Variants in PRDM16 observed in about 807,000 individuals in gnomAD.
The protein encoded by PRDM16 is histone-lysine N-methyltransferase PRDM16.
Under a neutral mutation model 110.6 loss-of-function variants are expected in PRDM16, and 23 were observed. The observed-to-expected ratio is 0.21, with a 90% CI of 0.15 to 0.29. The LOEUF is 0.29. Ranked by LOEUF, PRDM16 falls within the 10% of genes least tolerant of loss-of-function variation. The probability of loss-of-function intolerance (pLI) is 1.00; values close to 1 mark genes in which losing one functional copy is unlikely to be tolerated. For missense variants in PRDM16, 1,615 were observed against 1,794.3 expected, an observed-to-expected ratio of 0.90 and a Z score of 1.81; for synonymous variants, 799 against 781.8, an observed-to-expected ratio of 1.02 and a Z score of -0.37.
At chr1:3,326,897 C>T (rs1163729063) in intron 3 of PRDM16, among the ~76,000 whole-genome samples, 2 of 152,228 alleles carry the variant, frequency 1.3e-5, no homozygotes, top group Non-Finnish European at 2.9e-5. Context: ...CACAATGTCT[C>T]CTCTGTCTCT....
In PRDM16 at chr1:3,353,944, C is replaced by T. The variant is rs984659221; in HGVS notation, c.439-31208C>T. ...TGTGGATGCAGGGCTGCCCACCCAA[C>T]ACTGCTGAGCCCACACAGGCCCAAG... On this transcript the variant is annotated intron_variant, in intron 3 of 16. Coordinates refer to ENST00000270722, the MANE Select transcript of PRDM16 (RefSeq NM_022114.4). The surrounding 1 kb of genome is among the most constrained non-coding windows in gnomAD (Gnocchi z 5.4). Among the ~76,000 whole-genome samples the T allele has an allele frequency of 2.6e-5, 4 of 152,164 alleles. No individual in the cohort carries two copies. In the South Asian group the frequency reaches 8.3e-4, roughly 31 times the overall value.
In PRDM16 at chr1:3,387,560, G is replaced by A. The variant is rs1241454281; in HGVS notation, c.573+2274G>A. 2.6e-5 allele frequency among the ~76,000 whole-genome samples: 4 copies of A among 152,182 alleles called. No individual in the cohort carries two copies. In the East Asian group the frequency reaches 7.7e-4, roughly 29 times the overall value. ...GCACCCCTCATAGGTAGCACAGCCG[G>A]TGACGTCGGGTGTTACAGGGCCACC... On this transcript the variant is annotated intron_variant, in intron 4 of 16. Transcript: ENST00000270722.
chr1:3,240,836 C>A lies in PRDM16; in HGVS notation c.388-3251C>A, dbSNP rs571541493. Among the ~76,000 whole-genome samples the A allele has an allele frequency of 2.0e-5, 3 of 152,342 alleles. No individual in the cohort carries two copies. In the South Asian group the frequency reaches 6.2e-4, roughly 32 times the overall value. On this transcript the variant is annotated intron_variant, in intron 2 of 16. Transcript: ENST00000270722. ...GTCAAAAAAGAGGTTCTGACCAACC[C>A]CACTTAGCTAAATCCTGGCGCTGGG...
intron 12 of PRDM16, among the ~76,000 whole-genome samples, chr1:3,423,736 C>T (rs1638507105): frequency 6.6e-6 from 1 of 152,214 alleles, no homozygotes; most frequent in African/African-American, 2.4e-5. Context: ...CATCCTGGTG[C>T]CTCCACAGAG....
chr1:3,423,617 C>T (rs570069308), intron 12 of PRDM16, among the ~76,000 whole-genome samples: 2 of 152,220 alleles, frequency 1.3e-5, no homozygotes, highest in East Asian at 1.9e-4. Context: ...AGCGGGCCAC[C>T]GGCACCGGTC....
chr1:3,288,635 T>G (rs1438784468), intron 3 of PRDM16, among the ~76,000 whole-genome samples: 1 of 152,052 alleles, frequency 6.6e-6, no homozygotes, highest in Non-Finnish European at 1.5e-5. Flanking sequence ...CCACCACCCA[T>G]AGCCCCTCCC....
rs1340580157 is a variant in PRDM16 at position 3,254,694 on chromosome 1, A to G, written c.438+10557A>G. Among the ~76,000 whole-genome samples, 5 of 152,268 alleles carry G rather than the reference A, an allele frequency of 3.3e-5. No homozygotes were observed. In the East Asian group the frequency reaches 7.7e-4, roughly 23 times the overall value. ...ATGGAAGAACATTCCATGCTCATGG[A>G]TAGGAAGAATCAATATCGTGAAAAT... is the stretch of plus-strand genomic sequence containing the variant. On this transcript the variant is annotated intron_variant, in intron 3 of 16. Transcript: ENST00000270722.
intron 3 of PRDM16, among the ~76,000 whole-genome samples, chr1:3,377,658 G>A (rs149562578): frequency 0.013 from 1,954 of 152,254 alleles, 18 homozygotes; most frequent in Middle Eastern, 0.024. Flanking sequence ...AAAGCCAGGC[G>A]TTTAAGCAGC....
rs927699974 is a variant in PRDM16 at position 3,390,549 on chromosome 1, C to G, written c.573+5263C>G. On this transcript the variant is annotated intron_variant, in intron 4 of 16. Transcript: ENST00000270722. The surrounding 1 kb of genome is among the most constrained non-coding windows in gnomAD (Gnocchi z 5.0). The stretch of plus-strand genomic sequence containing the variant: ...AGCACAGCCCCTCCACAGAGTGTTC[C>G]GCGCAGGCATTGTGTTAGAAGAGTG... Among the ~76,000 whole-genome samples the G allele has an allele frequency of 6.6e-6, 1 of 152,144 alleles. No individual in the cohort carries two copies. The highest frequency in any genetic ancestry group is 1.5e-5 in the Non-Finnish European group (1 of 68,006).
Position 3,390,290 on chromosome 1 carries a change from C to T in PRDM16, c.573+5004C>T, listed in dbSNP as rs922015788. Among the ~76,000 whole-genome samples the T allele has an allele frequency of 1.3e-4, 20 of 152,162 alleles. No individual in the cohort carries two copies. The highest frequency in any genetic ancestry group is 4.8e-4 in the African/African-American group (20 of 41,524). On this transcript the variant is annotated intron_variant, in intron 4 of 16. Coordinates refer to ENST00000270722, the MANE Select transcript of PRDM16 (RefSeq NM_022114.4). The surrounding 1 kb of genome is among the most constrained non-coding windows in gnomAD (Gnocchi z 5.0). ...AACTGTCTAGTGGGGCTGAAGATGG[C>T]TGGGGACAGGGCTGAGGTCAAACAC...
chr1:3,321,435 CAT>C (rs953425990), intron 3 of PRDM16, among the ~76,000 whole-genome samples: 27 of 148,932 alleles, frequency 1.8e-4, no homozygotes, highest in South Asian at 8.6e-4. Context: ...TGTGGGTGCA[CAT>C]GTGTTTGTGT....
chr1:3,113,061 C>G (rs1642831986), intron 1 of PRDM16, among the ~76,000 whole-genome samples: 4 of 152,256 alleles, frequency 2.6e-5, no homozygotes, highest in African/African-American at 4.8e-5. Context: ...GAAGCAGACC[C>G]AGGGAACAGC....
intron 12 of PRDM16, among the ~76,000 whole-genome samples, chr1:3,424,679 AG>A: frequency 6.6e-6 from 1 of 152,376 alleles, no homozygotes; most frequent in African/African-American, 2.4e-5. Flanking sequence ...GGCAACATCC[AG>A]GGCAGCCCCC....
intron 3 of PRDM16, among the ~76,000 whole-genome samples, chr1:3,254,820 T>A (rs28883366): frequency 2.0e-5 from 3 of 150,854 alleles, no homozygotes; most frequent in Admixed American, 6.6e-5. Flanking sequence ...AAAGTTCATA[T>A]GGAACCAAAA....
intron 1 of PRDM16, among the ~76,000 whole-genome samples, chr1:3,129,925 C>T (rs1339103771): frequency 1.3e-5 from 2 of 152,196 alleles, no homozygotes; most frequent in African/African-American, 4.8e-5. Flanking sequence ...CCCAGGGCCC[C>T]AGCAGGGTCT....
In PRDM16 at chr1:3,352,871, G is replaced by A. The variant is rs191610684; in HGVS notation, c.439-32281G>A. 5.3e-5 allele frequency among the ~76,000 whole-genome samples: 8 copies of A among 152,292 alleles called. No individual in the cohort carries two copies. The South Asian group carries it at 6.2e-4, about 12-fold the overall frequency. ...GTGTCAGGAACAATAGCTAGCTCTC[G>A]GTGGCAGTCAGGCCGCATTTGGTGT... On this transcript the variant is annotated intron_variant, in intron 3 of 16. Coordinates refer to ENST00000270722, the MANE Select transcript of PRDM16 (RefSeq NM_022114.4).
intron 3 of PRDM16, among the ~76,000 whole-genome samples, chr1:3,377,139 T>C (rs1311357123): frequency 6.6e-6 from 1 of 152,212 alleles, no homozygotes; most frequent in Non-Finnish European, 1.5e-5. Flanking sequence ...AATCAGCTCA[T>C]GGGTCCTTAA....
At position 3,358,312 on chromosome 1, in the gene PRDM16, A is replaced by G. The variant is rs1241023596; in HGVS notation, c.439-26840A>G. The stretch of plus-strand genomic sequence containing the variant: ...GGAACCGTAGTTACGCAGGTCCTGA[A>G]CTGGGTCTTCTCTGGATGCGAGACC... On this transcript the variant is annotated intron_variant, in intron 3 of 16. Coordinates refer to ENST00000270722, the MANE Select transcript of PRDM16 (RefSeq NM_022114.4). This position sits in a 1 kb window ranked among gnomAD's most constrained non-coding sequence, Gnocchi z 4.0. 5.9e-5 allele frequency among the ~76,000 whole-genome samples: 9 copies of G among 152,190 alleles called. No homozygotes were observed. Among genetic ancestry groups the G allele is most frequent in the Admixed American group, 4.6e-4 (7 of 15,284 alleles).
intron 1 of PRDM16, among the ~76,000 whole-genome samples, chr1:3,134,783 T>C (rs575656291): frequency 1.3e-5 from 2 of 152,366 alleles, no homozygotes; most frequent in South Asian, 2.1e-4. Context: ...GACAAAAATG[T>C]CCTTAAGCCT....
Sources: allele counts gnomAD v4.1 joint callset (sites outside exome capture counted in the v4.1 genomes callset), GRCh38; gene constraint gnomAD v4.1.1; non-coding constraint Gnocchi (gnomAD v3.1); transcripts MANE v1.5; gene names NCBI Gene and HGNC (gene_info 2026-07-23, HGNC 2026-07-21).